Variants in TANC2 observed in about 807,000 individuals in gnomAD.
The protein encoded by TANC2 is tetratricopeptide repeat, ankyrin repeat and coiled-coil containing 2.
TANC2 carries 26 observed loss-of-function variants against 210.5 expected under a neutral mutation model. That is an observed-to-expected ratio of 0.12 (90% CI 0.09 to 0.17). TANC2 has a LOEUF of 0.17. TANC2 is among the 10% of genes least tolerant of loss of function. TANC2 has a pLI of 1.00. For synonymous variants in TANC2, 931 were observed against 967.1 expected, an observed-to-expected ratio of 0.96 and a Z score of 0.69; for missense variants, 2,129 against 2,608.9, an observed-to-expected ratio of 0.82 and a Z score of 4.01.
intron 8 of TANC2, among the ~76,000 whole-genome samples, chr17:63,262,751 C>T (rs1432247302): frequency 2.0e-5 from 3 of 151,984 alleles, no homozygotes; most frequent in Admixed American, 2.0e-4. Context: ...AGGGCCACCC[C>T]CTGCATCTTG....
At chr17:63,232,355 G>C (rs1014042521) in intron 7 of TANC2, among the ~76,000 whole-genome samples, 1 of 152,144 alleles carries the variant, frequency 6.6e-6, no homozygotes, top group Admixed American at 6.5e-5. Flanking sequence ...TCAGTTTTCA[G>C]AATTTTTTCA....
chr17:63,135,035 A>G (rs889136692), intron 4 of TANC2, among the ~76,000 whole-genome samples: 1 of 152,090 alleles, frequency 6.6e-6, no homozygotes, highest in Non-Finnish European at 1.5e-5. Context: ...TGGGCAACAT[A>G]GTGAGATCCA....
chr17:63,315,007 C>T (rs2045270475), intron 10 of TANC2, among the ~76,000 whole-genome samples: 2 of 152,154 alleles, frequency 1.3e-5, no homozygotes, highest in African/African-American at 4.8e-5. Flanking sequence ...TTTGCTCAGT[C>T]TGTGCCCAGT....
chr17:63,371,762 A>G (rs549453732), intron 14 of TANC2, among the ~76,000 whole-genome samples: 8 of 152,330 alleles, frequency 5.3e-5, no homozygotes, highest in Admixed American at 4.6e-4. Flanking sequence ...TCCAACTTCC[A>G]TAATGTTAAA....
chr17:63,155,632 A>G (rs1027833415), intron 5 of TANC2, among the ~76,000 whole-genome samples: 9 of 152,342 alleles, frequency 5.9e-5, no homozygotes, highest in African/African-American at 2.2e-4. Flanking sequence ...GCAGGCTTTT[A>G]TCAACACCAA....
intron 9 of TANC2, among the ~76,000 whole-genome samples, chr17:63,312,752 G>A (rs1343948302): frequency 6.6e-6 from 1 of 152,106 alleles, no homozygotes. Context: ...AAATACAAGA[G>A]TAAATTTTGT....
rs757008175 is a variant in TANC2, at chr17:63,351,233, GT to G, written c.1808-14del. On this transcript the variant is annotated splice_polypyrimidine_tract_variant and intron_variant, in intron 12 of 27. Transcript: ENST00000689528. ...CCACTTGGTAATTATTAAGTAATGT[GT>G]TTCTTTCTATCTCAGAGAGAAAAAT... 8.1e-5 allele frequency: 129 copies of G among 1,588,282 alleles called. 2 individuals are homozygous for G. The South Asian group carries it at 1.2e-3, about 15-fold the overall frequency.
chr17:63,403,397 T>G (rs1331622434), intron 19 of TANC2, among the ~76,000 whole-genome samples: 2 of 152,206 alleles, frequency 1.3e-5, no homozygotes, highest in Non-Finnish European at 2.9e-5. Context: ...AGATAATTCT[T>G]ATGGTTCCTA....
chr17:63,250,948 A>T (rs374660426), intron 8 of TANC2, among the ~76,000 whole-genome samples: 1 of 152,192 alleles, frequency 6.6e-6, no homozygotes, highest in South Asian at 2.1e-4. Context: ...TATTTTAGTG[A>T]TATCTGTTAA....
At chr17:63,318,293 C>A (rs1329175507) in intron 10 of TANC2, among the ~76,000 whole-genome samples, 2 of 152,058 alleles carry the variant, frequency 1.3e-5, no homozygotes, top group Non-Finnish European at 2.9e-5. Context: ...TAAATAAGAA[C>A]AAATTGAATT....
intron 2 of TANC2, among the ~76,000 whole-genome samples, chr17:63,058,071 T>C (rs1003446395): frequency 2.6e-5 from 4 of 152,232 alleles, no homozygotes; most frequent in Non-Finnish European, 5.9e-5. Context: ...GCATTACCTT[T>C]TCTCCGCAAT....
chr17:63,152,052 A>G (rs1235107576), intron 5 of TANC2: 35 of 152,196 alleles, frequency 2.3e-4, no homozygotes, highest in Admixed American at 2.2e-3. Context: ...TTGCCTGGCA[A>G]CATCCTTTAC....
At chr17:63,089,036 A>T (rs1243340743) in intron 3 of TANC2, 1 of 152,168 alleles carries the variant, frequency 6.6e-6, no homozygotes, top group Non-Finnish European at 1.5e-5. Context: ...CAGACATACT[A>T]TTGAAAAGCT....
chr17:63,008,130 G>GT (rs1835506162), intron 1 of TANC2, among the ~76,000 whole-genome samples: 1 of 151,362 alleles, frequency 6.6e-6, no homozygotes, highest in Non-Finnish European at 1.5e-5. Context: ...ATTGTCTTTA[G>GT]TTTTTAGCAG....
intron 1 of TANC2, chr17:62,978,374 T>C (rs1177054038): frequency 1.3e-5 from 2 of 152,216 alleles, no homozygotes; most frequent in South Asian, 2.1e-4. Context: ...TTATACAAAA[T>C]AGCATAGGGA....
intron 5 of TANC2, among the ~76,000 whole-genome samples, chr17:63,158,132 G>A (rs1478802626): frequency 7.9e-5 from 12 of 152,138 alleles, no homozygotes; most frequent in East Asian, 1.9e-4. Flanking sequence ...GTGGTGTCTA[G>A]TTCAGGCTTG....
At chr17:63,315,742 C>A (rs1251749928) in intron 10 of TANC2, among the ~76,000 whole-genome samples, 1 of 152,180 alleles carries the variant, frequency 6.6e-6, no homozygotes, top group African/African-American at 2.4e-5. Flanking sequence ...AGTGAAGACC[C>A]TCCAAACTTA....
At chr17:63,091,028 A>G (rs1218285957) in intron 3 of TANC2, among the ~76,000 whole-genome samples, 1 of 148,792 alleles carries the variant, frequency 6.7e-6, no homozygotes, top group Non-Finnish European at 1.5e-5. Context: ...GTCTGTTCAT[A>G]TCCTTTGCCC....
intron 26 of TANC2, among the ~76,000 whole-genome samples, chr17:63,416,765 G>A (rs920200837): frequency 1.3e-5 from 2 of 152,200 alleles, no homozygotes; most frequent in Non-Finnish European, 2.9e-5. Flanking sequence ...CACGGCCATG[G>A]CCCTCAGAGG....
Sources: allele counts gnomAD v4.1 joint callset (sites outside exome capture counted in the v4.1 genomes callset), GRCh38; gene constraint gnomAD v4.1.1; transcripts MANE v1.5; gene names NCBI Gene and HGNC (gene_info 2026-07-23, HGNC 2026-07-21).